Variants in LIMCH1 observed in about 807,000 individuals in gnomAD.
The protein encoded by LIMCH1 is LIM and calponin homology domains-containing protein 1.
LIMCH1 carries 113 observed loss-of-function variants against 176.5 expected under a neutral mutation model. The ratio of observed to expected loss-of-function variants is 0.64; its 90% CI spans 0.55 to 0.75. LIMCH1 has a LOEUF of 0.75. LIMCH1 is among the 30% of genes least tolerant of loss of function. The pLI, the probability that LIMCH1 is intolerant of heterozygous loss-of-function variation, is 0.00. For synonymous variants in LIMCH1, 619 were observed against 645.9 expected (o/e 0.96, Z 0.63); for missense variants, 1,674 against 1,814.9 (o/e 0.92, Z 1.41).
intron 22 of LIMCH1, among the ~76,000 whole-genome samples, chr4:41,673,197 A>G (rs935550372): frequency 4.6e-5 from 7 of 152,280 alleles, no homozygotes; most frequent in Non-Finnish European, 1.0e-4. Flanking sequence ...CTCAGTCCCA[A>G]GCCAATACTG....
intron 1 of LIMCH1, among the ~76,000 whole-genome samples, chr4:41,375,449 C>T (rs936311043): frequency 5.3e-5 from 8 of 152,284 alleles, no homozygotes; most frequent in African/African-American, 1.9e-4. Flanking sequence ...GGTACTTCAA[C>T]TCTCCTTTCT....
In LIMCH1 at chr4:41,659,891, T is replaced by C. The variant is rs1024398682; in HGVS notation, c.3037-1529T>C. On this transcript the variant is annotated intron_variant, in intron 18 of 31. Coordinates refer to ENST00000503057, the MANE Select transcript of LIMCH1 (RefSeq NM_001330672.2). ...ATTTTGGACTTCATTCTAGAGTCAA[T>C]TGGCTCCCAGTGAAAGACAATGTAA... Among the ~76,000 whole-genome samples, 3 of 152,128 alleles carry C rather than the reference T, an allele frequency of 2.0e-5. No homozygotes were observed. In the South Asian group the frequency reaches 6.2e-4, roughly 32 times the overall value.
At chr4:41,650,274 T>C in intron 17 of LIMCH1, 119 bp from the exon 18 acceptor site, 1 of 715,278 alleles carries the variant, frequency 1.4e-6, no homozygotes, top group Non-Finnish European at 2.4e-6. Context: ...GACCTCTTCC[T>C]TCATTGGACT....
At chr4:41,579,167 T>C (rs541078164) in intron 1 of LIMCH1, among the ~76,000 whole-genome samples, 12 of 152,188 alleles carry the variant, frequency 7.9e-5, no homozygotes, top group African/African-American at 2.9e-4. Context: ...AGAGCTGTTA[T>C]AGAAATGTCA....
chr4:41,671,408 A>T (rs959597241), intron 21 of LIMCH1, 146 bp from the exon 22 acceptor site: 2 of 467,650 alleles, frequency 4.3e-6, no homozygotes, highest in African/African-American at 4.4e-5. Flanking sequence ...ACACACACAC[A>T]CACACACACA....
At chr4:41,464,407 T>A (rs532108894) in intron 1 of LIMCH1, among the ~76,000 whole-genome samples, 1 of 151,328 alleles carries the variant, frequency 6.6e-6, no homozygotes, top group East Asian at 1.9e-4. Flanking sequence ...CTTGCTTTGT[T>A]GCCCAGGCTG....
Position 41,453,961 on chromosome 4 carries a change from C to T in LIMCH1, c.97-40575C>T, listed in dbSNP as rs147800799. ...CTCTTCTACCCTTCTCTCCTTGCCC[C>T]GCCTCCTCCAACACTCTTACTCTGG... On this transcript the variant is annotated intron_variant, in intron 1 of 26. Coordinates refer to the LIMCH1 transcript ENST00000313860. Among the ~76,000 whole-genome samples, 13 of 152,170 alleles carry T rather than the reference C, an allele frequency of 8.5e-5. No individual in the cohort carries two copies. The East Asian group carries it at 1.5e-3, about 18-fold the overall frequency.
At chr4:41,530,626 G>A (rs1391025175) in intron 3 of LIMCH1, among the ~76,000 whole-genome samples, 1 of 151,648 alleles carries the variant, frequency 6.6e-6, no homozygotes, top group East Asian at 2.0e-4. Flanking sequence ...GGCCAACATG[G>A]TGAAACCCTG....
At chr4:41,663,426 C>T (rs1047127417) in intron 20 of LIMCH1, among the ~76,000 whole-genome samples, 2 of 152,004 alleles carry the variant, frequency 1.3e-5, no homozygotes, top group African/African-American at 4.8e-5. Flanking sequence ...TTTTAGTTTG[C>T]TGTGTGTGTT....
intron 23 of LIMCH1, among the ~76,000 whole-genome samples, chr4:41,676,974 C>A (rs1457113288): frequency 3.3e-5 from 5 of 151,470 alleles, no homozygotes; most frequent in South Asian, 2.1e-4. Flanking sequence ...ACCAGCCTGG[C>A]CAACATGACG....
At chr4:41,510,102 A>G (rs1011159581) in intron 2 of LIMCH1, among the ~76,000 whole-genome samples, 1 of 152,160 alleles carries the variant, frequency 6.6e-6, no homozygotes, top group South Asian at 2.1e-4. Flanking sequence ...AATGTGTTTG[A>G]AACTTATTTT....
chr4:41,512,130 G>T (rs904420615), intron 2 of LIMCH1, among the ~76,000 whole-genome samples: 1 of 152,128 alleles, frequency 6.6e-6, no homozygotes, highest in Admixed American at 6.5e-5. Flanking sequence ...CTACAAAAAT[G>T]ACTAGTAAGT....
chr4:41,504,963 C>T (rs1169533972), intron 2 of LIMCH1, among the ~76,000 whole-genome samples: 1 of 152,192 alleles, frequency 6.6e-6, no homozygotes, highest in Non-Finnish European at 1.5e-5. Context: ...TATCCTTAGG[C>T]TAGTAACCTA....
chr4:41,556,975 G>A (rs1484831137), intron 1 of LIMCH1, among the ~76,000 whole-genome samples: 1 of 152,042 alleles, frequency 6.6e-6, no homozygotes, highest in Non-Finnish European at 1.5e-5. Flanking sequence ...TCTTTATATA[G>A]CCTATCTGCT....
At chr4:41,486,971 CAT>C (rs1331280102) in intron 1 of LIMCH1, among the ~76,000 whole-genome samples, 8 of 127,890 alleles carry the variant, frequency 6.3e-5, no homozygotes, top group South Asian at 2.3e-4. Context: ...CACACACACA[CAT>C]ACATACACAC....
chr4:41,634,429 T>A (rs1428113480), intron 13 of LIMCH1, among the ~76,000 whole-genome samples: 1 of 152,192 alleles, frequency 6.6e-6, no homozygotes, highest in Non-Finnish European at 1.5e-5. Context: ...GGGCTTTGCA[T>A]AATTTATAAG....
At chr4:41,403,302 CGGGCA>C (rs1002096849) in intron 1 of LIMCH1, among the ~76,000 whole-genome samples, 3 of 152,052 alleles carry the variant, frequency 2.0e-5, no homozygotes, top group African/African-American at 7.2e-5. Context: ...CCCATCACGC[CGGGCA>C]CGGTGGTTCA....
Position 41,644,729 on chromosome 4 carries a change from G to A in LIMCH1, c.2253+103G>A. 3.6e-6 allele frequency: 5 copies of A among 1,389,576 alleles called. No individual in the cohort carries two copies. In the South Asian group the frequency reaches 7.4e-5, roughly 21 times the overall value. 86.1% of individuals were successfully genotyped at this position (1,389,576 alleles called of 1,614,324 possible). A position where few individuals can be genotyped will look rare whatever the true frequency, so the allele number is the denominator to read the frequency against. On this transcript the variant is annotated intron_variant, in intron 15 of 31. Coordinates refer to ENST00000503057, the MANE Select transcript of LIMCH1 (RefSeq NM_001330672.2). ...CTTGAAAGCCATGCGGGGAAAGGGA[G>A]CCCCTAGAGGGTTTCAAAAGGTGAC...
chr4:41,633,778 C>A lies in LIMCH1; in HGVS notation c.2060C>A (p.Ser687Tyr), dbSNP rs749633925. ...GCAAAGCAACAGGATGTGGAAGAAT[C>A]TTCTAAAGGTCTACCCATGAAAGAT... ...PFAKQQDVEE[S>Y]SKGLPMKDQR... Residue 687 changes from serine to tyrosine, a missense_variant, in exon 13 of 32, where the codon TCT becomes TAT. Ser to Tyr is a moderately radical substitution (Grantham distance 144). This residue lies in a region of LIMCH1 where 1,015 missense variants were observed against 1,102.5 expected (regional missense o/e 0.92). Coordinates refer to ENST00000503057, the MANE Select transcript of LIMCH1 (RefSeq NM_001330672.2). 20 of 1,536,062 alleles carry A rather than the reference C, an allele frequency of 1.3e-5. No homozygotes were observed. Among genetic ancestry groups the A allele is most frequent in the South Asian group, 1.1e-4 (9 of 84,068 alleles).
Sources: allele counts gnomAD v4.1 joint callset (sites outside exome capture counted in the v4.1 genomes callset), GRCh38; gene constraint gnomAD v4.1.1; regional missense constraint gnomAD v4.1.1; transcripts MANE v1.5; gene names NCBI Gene and HGNC (gene_info 2026-07-23, HGNC 2026-07-21).